Variants in EIF5B observed in about 807,000 individuals in gnomAD.
EIF5B encodes eukaryotic translation initiation factor 5B.
EIF5B carries 47 observed loss-of-function variants against 147.5 expected under a neutral mutation model. That is an observed-to-expected ratio of 0.32 (90% CI 0.25 to 0.41). EIF5B has a LOEUF of 0.41. Ranked by LOEUF, EIF5B falls within the 10% of genes least tolerant of loss-of-function variation. The pLI is 1.00. For synonymous variants in EIF5B, 455 were observed against 456.2 expected, an observed-to-expected ratio of 1.00 and a Z score of 0.03; for missense variants, 1,064 against 1,413.2, an observed-to-expected ratio of 0.75 and a Z score of 3.96.
Position 99,401,192 on chromosome 2 carries a change from A to T in EIF5B, c.*1778A>T. ...ATCATGCACTTTGCAAATACCTCAC[A>T]AGCACTTATGGCACAGCTATCAGAG... On this transcript the variant is annotated 3_prime_UTR_variant, in exon 24 of 24. Coordinates refer to ENST00000289371, the MANE Select transcript of EIF5B (RefSeq NM_015904.4). The T allele has an allele frequency of 8.6e-7, 1 of 1,161,296 alleles. No homozygotes were observed. The highest frequency in any genetic ancestry group is 1.3e-6 in the Non-Finnish European group (1 of 771,464). 71.9% of individuals were successfully genotyped at this position (1,161,296 alleles called of 1,614,324 possible).
chr2:99,362,077 T>C (rs921668918), intron 4 of EIF5B, among the ~76,000 whole-genome samples: 10 of 152,242 alleles, frequency 6.6e-5, no homozygotes, highest in Non-Finnish European at 1.2e-4. Flanking sequence ...AAAACTATTT[T>C]TTTTGCTGTT....
intron 9 of EIF5B, among the ~76,000 whole-genome samples, chr2:99,372,893 T>G (rs1401590645): frequency 6.6e-6 from 1 of 152,174 alleles, no homozygotes; most frequent in Non-Finnish European, 1.5e-5. Context: ...TCTGAGGGTT[T>G]TTTTGTTTTT....
At chr2:99,384,754 G>A (rs1674765405) in intron 14 of EIF5B, among the ~76,000 whole-genome samples, 1 of 152,186 alleles carries the variant, frequency 6.6e-6, no homozygotes, top group African/African-American at 2.4e-5. Context: ...AATAGCAAGA[G>A]AACTGGAATT....
chr2:99,394,386 A>G lies in EIF5B; in HGVS notation c.3000A>G (p.Thr1000=). Residue 1000 remains threonine, a synonymous_variant, in exon 19 of 24, where the codon ACA becomes ACG. Transcript: ENST00000289371. ...SLEALLEFLK[T]SEVPYAGINI... is the part of the protein sequence containing the mutation. ...AAGCTCTACTGGAATTTCTGAAAAC[A>G]TCAGAAGTGCCCGTAAGTAACTACA... 1.9e-6 allele frequency: 3 copies of G among 1,614,012 alleles called. No individual in the cohort carries two copies. The highest frequency in any genetic ancestry group is 2.5e-6 in the Non-Finnish European group (3 of 1,179,978).
At chr2:99,397,641 C>CT (rs1412272558) in intron 22 of EIF5B, 1 of 151,840 alleles carries the variant, frequency 6.6e-6, no homozygotes, top group Non-Finnish European at 1.5e-5. Flanking sequence ...CCCAGCCTGT[C>CT]TGACTGCTGC....
Position 99,379,409 on chromosome 2 carries a change from A to G in EIF5B, c.2042A>G (p.Gln681Arg), listed in dbSNP as rs1210178124. ...TNVPLEAINE[Q>R]TKMIKNFDRE... ...GTTCCTCTTGAAGCTATTAATGAAC[A>G]GACTAAGATGATTAAAAATGTAAGT... The change falls in exon 12 of 24, where the codon CAG becomes CGG. Residue 681 changes from glutamine (Q) to arginine (R), a missense_variant. Physicochemically the swap from Gln to Arg is conservative, Grantham distance 43. Transcript: ENST00000289371. 2.2e-5 allele frequency: 35 copies of G among 1,610,384 alleles called. No homozygotes were observed. Among genetic ancestry groups the G allele is most frequent in the Non-Finnish European group, 2.8e-5 (33 of 1,178,596 alleles).
chr2:99,398,994 T>G (rs1460668336), intron 23 of EIF5B, 85 bp downstream of exon 23: 1 of 1,450,226 alleles, frequency 6.9e-7, no homozygotes, highest in Non-Finnish European at 9.3e-7. Context: ...TCCTTGGGCT[T>G]CAGTTTGATT....
Position 99,394,866 on chromosome 2 carries a change from G to C in EIF5B, c.3237G>C (p.Gln1079His), listed in dbSNP as rs920736839. 6.4e-7 allele frequency: 1 copy of C among 1,573,998 alleles called. No individual in the cohort carries two copies. The highest frequency in any genetic ancestry group is 1.4e-5 in the African/African-American group (1 of 73,202). Reference sequence around the variant, plus strand: ...AATATAGACAAGACTACAAGAAACAGAAACAAGAAGAATTTAAGTAAGTTA... The same window carrying C: ...AATATAGACAAGACTACAAGAAACACAAACAAGAAGAATTTAAGTAAGTTA... Reference protein sequence around the residue: ...FTKYRQDYKKQKQEEFKHIAV... With the variant: ...FTKYRQDYKKHKQEEFKHIAV... The change falls in exon 21 of 24, where the codon CAG (glutamine) becomes CAC (histidine). Residue 1079 changes from glutamine (Q) to histidine (H), a missense_variant. Gln to His is a conservative substitution (Grantham distance 24). Transcript: ENST00000289371.
At chr2:99,391,053 C>T (rs1321259273) in intron 17 of EIF5B, among the ~76,000 whole-genome samples, 2 of 152,196 alleles carry the variant, frequency 1.3e-5, no homozygotes, top group Non-Finnish European at 2.9e-5. Flanking sequence ...AAAAACTTAA[C>T]TCCTAATAGC....
intron 1 of EIF5B, among the ~76,000 whole-genome samples, chr2:99,349,044 A>G (rs1000489087): frequency 1.2e-4 from 18 of 152,256 alleles, no homozygotes; most frequent in Admixed American, 9.8e-4. Flanking sequence ...TGACCTGGAC[A>G]TCCCCATTAG....
At position 99,382,237 on chromosome 2, in the gene EIF5B, T is replaced by C. The variant is rs1363397541; in HGVS notation, c.2129+11T>C. 6.2e-7 allele frequency: 1 copy of C among 1,610,914 alleles called. No homozygotes were observed. The highest frequency in any genetic ancestry group is 1.3e-5 in the African/African-American group (1 of 74,866). On this transcript the variant is annotated intron_variant, in intron 13 of 23. Coordinates refer to ENST00000289371, the MANE Select transcript of EIF5B (RefSeq NM_015904.4). ...GCATGAATCTTTCAGGTAAGAGCAA[T>C]TTGAGTCTTTTCTCATCAAGCAATC... is the stretch of plus-strand genomic sequence containing the variant.
At chr2:99,356,430 A>G (rs1435364802) in intron 1 of EIF5B, among the ~76,000 whole-genome samples, 1 of 152,094 alleles carries the variant, frequency 6.6e-6, no homozygotes, top group Non-Finnish European at 1.5e-5. Flanking sequence ...TCTCTTCCCC[A>G]TTTATTTACT....
Position 99,384,934 on chromosome 2 carries a change from A to G in EIF5B, c.2271+2013A>G, listed in dbSNP as rs146050645. 9.6e-4 allele frequency among the ~76,000 whole-genome samples: 147 copies of G among 152,368 alleles called. 1 individual carries two copies. Among genetic ancestry groups the G allele is most frequent in the Non-Finnish European group, 1.2e-3 (79 of 68,034 alleles). ...GAAATGACAAAAAAGAATTTAGGAT[A>G]GCAATCAACTTAATTGATAAAGCAG... On this transcript the variant is annotated intron_variant, in intron 14 of 23. Transcript: ENST00000289371.
At position 99,389,699 on chromosome 2, in the gene EIF5B, C is replaced by T; in HGVS notation, c.2272-19C>T. On this transcript the variant is annotated intron_variant, in intron 14 of 23. Coordinates refer to ENST00000289371, the MANE Select transcript of EIF5B (RefSeq NM_015904.4). ...TTCTGAATTTTTTAGAGATCTTTCT[C>T]ATGAAAAAACTTTTTCAGATTGATA... The T allele has an allele frequency of 6.3e-7, 1 of 1,578,392 alleles. No homozygotes were observed. The highest frequency in any genetic ancestry group is 8.5e-7 in the Non-Finnish European group (1 of 1,169,914).
chr2:99,387,198 G>A (rs1484750617), intron 14 of EIF5B, among the ~76,000 whole-genome samples: 1 of 152,148 alleles, frequency 6.6e-6, no homozygotes, highest in South Asian at 2.1e-4. Flanking sequence ...ATGAGCCACC[G>A]TGCCTGGCCC....
At position 99,337,499 on chromosome 2, in the gene EIF5B, T is replaced by G; in HGVS notation, c.-56T>G. The stretch of plus-strand genomic sequence containing the variant: ...GAGACCAAAGTCAGCCGGGAGACAG[T>G]GGGTCTGTGAGAGACCGAATAGAGG... On this transcript the variant is annotated 5_prime_UTR_variant, in exon 1 of 24. Coordinates refer to ENST00000289371, the MANE Select transcript of EIF5B (RefSeq NM_015904.4). The G allele has an allele frequency of 6.3e-7, 1 of 1,595,024 alleles. No homozygotes were observed. The highest frequency in any genetic ancestry group is 8.5e-7 in the Non-Finnish European group (1 of 1,170,896).
rs12233086 is a variant in EIF5B, at chr2:99,361,585, G to A, written c.684G>A (p.Val228=). The change falls in exon 4 of 24, where the codon GTG becomes GTA. Residue 228 remains valine, a synonymous_variant. Transcript: ENST00000289371. ...DDDASFKIKT[V]AQKKAEKKER... ...ACGCCTCCTTCAAAATTAAGACAGTGGCCCAAAAGAAGGCAGAAAAGAAGG... is the reference window on the plus strand; with the variant it reads ...ACGCCTCCTTCAAAATTAAGACAGTAGCCCAAAAGAAGGCAGAAAAGAAGG... 231,399 of 1,607,174 alleles carry A rather than the reference G, an allele frequency of 0.14. 17,672 individuals are homozygous for A. The highest frequency in any genetic ancestry group is 0.25 in the East Asian group (11,273 of 44,812).
Position 99,346,589 on chromosome 2 carries a change from CTTTTT to C in EIF5B, c.35+9023_35+9027del, listed in dbSNP as rs773411395. On this transcript the variant is annotated intron_variant, in intron 1 of 23. Transcript: ENST00000289371. ...TTATTTTAGAACATAAGTTGTATCT[CTTTTT>C]TTTTTTTTTTTTTTTTTTTTTTGAG... is the stretch of plus-strand genomic sequence containing the variant. Among the ~76,000 whole-genome samples, 4 of 61,648 alleles carry C rather than the reference CTTTTT, an allele frequency of 6.5e-5. No homozygotes were observed. In the Admixed American group the frequency reaches 1.1e-3, roughly 17 times the overall value. The allele number at this position is 61,648 out of a possible 152,430, so 40.4% of individuals were successfully genotyped here. A position where few individuals can be genotyped will look rare whatever the true frequency, so the allele number is the denominator to read the frequency against.
Position 99,401,226 on chromosome 2 carries a change from G to T in EIF5B, c.*1812G>T. The T allele has an allele frequency of 6.7e-7, 1 of 1,503,150 alleles. No homozygotes were observed. The highest frequency in any genetic ancestry group is 9.3e-7 in the Non-Finnish European group (1 of 1,079,476). 93.1% of individuals were successfully genotyped at this position (1,503,150 alleles called of 1,614,324 possible). A position where few individuals can be genotyped will look rare whatever the true frequency, so the allele number is the denominator to read the frequency against. On this transcript the variant is annotated 3_prime_UTR_variant, in exon 24 of 24. Transcript: ENST00000289371. The stretch of plus-strand genomic sequence containing the variant: ...TGGCACAGCTATCAGAGAGCATCAG[G>T]CTCTCTGGTAATATTTATGTAACTT...
Sources: allele counts gnomAD v4.1 joint callset (sites outside exome capture counted in the v4.1 genomes callset), GRCh38; gene constraint gnomAD v4.1.1; transcripts MANE v1.5; gene names NCBI Gene and HGNC (gene_info 2026-07-23, HGNC 2026-07-21).